TTC28: variants seen among roughly 807,000 people sequenced by gnomAD.
TTC28 encodes tetratricopeptide repeat domain 28.
Under a neutral mutation model 198.0 loss-of-function variants are expected in TTC28, and 61 were observed. The ratio of observed to expected loss-of-function variants is 0.31; its 90% CI spans 0.25 to 0.38. The LOEUF is 0.38. Among genes scored for constraint, TTC28 ranks in the 10% least tolerant of loss-of-function variants. The pLI, the probability that TTC28 is intolerant of heterozygous loss-of-function variation, is 1.00. For synonymous variants in TTC28, 1,171 were observed against 1,297.8 expected (o/e 0.90, Z 2.10); for missense variants, 2,678 against 3,164.0 (o/e 0.85, Z 3.69).
intron 6 of TTC28, among the ~76,000 whole-genome samples, chr22:28,154,869 T>C (rs751546964): frequency 6.6e-6 from 1 of 152,198 alleles, no homozygotes; most frequent in Non-Finnish European, 1.5e-5. Flanking sequence ...ATCTCTATCT[T>C]CTTTCTTTTT....
rs556596954 is a variant in TTC28, at chr22:28,575,748, G to A, written c.381+53804C>T. Among the ~76,000 whole-genome samples, 13 of 152,060 alleles carry A rather than the reference G, an allele frequency of 8.5e-5. No homozygotes were observed. The South Asian group carries it at 2.5e-3, about 29-fold the overall frequency. ...ACTTCTTTGGTTAAGTTTATTCCTA[G>A]GTATATTATATGTAGCTATTGCAAA... On this transcript the variant is annotated intron_variant, in intron 2 of 22. Transcript: ENST00000397906.
At chr22:28,538,530 C>T (rs1475339730) in intron 2 of TTC28, among the ~76,000 whole-genome samples, 1 of 150,020 alleles carries the variant, frequency 6.7e-6, no homozygotes, top group East Asian at 1.9e-4. Flanking sequence ...AAACATATTT[C>T]ACTGAATTCC....
chr22:28,130,262 T>G (rs957843656), intron 6 of TTC28, among the ~76,000 whole-genome samples: 5 of 152,142 alleles, frequency 3.3e-5, no homozygotes, highest in African/African-American at 1.2e-4. Context: ...AAAACACACT[T>G]GTCTTCCCCC....
intron 2 of TTC28, among the ~76,000 whole-genome samples, chr22:28,517,553 A>G (rs2048814057): frequency 6.6e-6 from 1 of 152,212 alleles, no homozygotes; most frequent in Admixed American, 6.5e-5. Flanking sequence ...GGCAGATCCT[A>G]GGAAGACAGA....
chr22:28,598,495 C>T (rs995193766), intron 2 of TTC28, among the ~76,000 whole-genome samples: 3 of 111,690 alleles, frequency 2.7e-5, no homozygotes, highest in African/African-American at 7.2e-5. Context: ...GGCAACAGAG[C>T]GAGACTACGT....
Position 28,096,158 on chromosome 22 carries a change from A to G in TTC28, c.3766+32T>C, listed in dbSNP as rs56051821. 1.5e-3 allele frequency: 2,286 copies of G among 1,509,010 alleles called. 32 individuals are homozygous for G. In the African/African-American group the frequency reaches 0.028, roughly 19 times the overall value. The allele number at this position is 1,509,010 out of a possible 1,614,324, so 93.5% of individuals were successfully genotyped here. A position where few individuals can be genotyped will look rare whatever the true frequency, so the allele number is the denominator to read the frequency against. Reference sequence around the variant, plus strand: ...TAGACTTTCACAGGTCTAGTCTTCTAATTGCCCTGTTCCCACAGAAAGAGA... The same window carrying G: ...TAGACTTTCACAGGTCTAGTCTTCTGATTGCCCTGTTCCCACAGAAAGAGA... On this transcript the variant is annotated intron_variant, in intron 11 of 22. Coordinates refer to ENST00000397906, the MANE Select transcript of TTC28 (RefSeq NM_001145418.2).
intron 2 of TTC28, among the ~76,000 whole-genome samples, chr22:28,512,986 T>TC (rs2048713537): frequency 6.7e-6 from 1 of 149,878 alleles, no homozygotes; most frequent in South Asian, 2.2e-4. Flanking sequence ...TGGATTTTTT[T>TC]TTTTTTTTTT....
chr22:28,009,180 G>GTTCC (rs573673343), intron 14 of TTC28, among the ~76,000 whole-genome samples: 169 of 152,298 alleles, frequency 1.1e-3, no homozygotes, highest in South Asian at 4.1e-3. Context: ...GGACAGCGTG[G>GTTCC]TTCCAGGAAA....
At chr22:28,403,694 T>C (rs577713201) in intron 2 of TTC28, among the ~76,000 whole-genome samples, 2 of 152,344 alleles carry the variant, frequency 1.3e-5, no homozygotes, top group South Asian at 2.1e-4. Context: ...TAAATGATAG[T>C]ATCCTGTCTC....
chr22:28,301,538 A>G (rs2045025816), intron 3 of TTC28, among the ~76,000 whole-genome samples: 1 of 152,220 alleles, frequency 6.6e-6, no homozygotes, highest in Admixed American at 6.5e-5. Context: ...ACACTCAACT[A>G]AGAGATATAC....
chr22:28,525,641 C>A (rs2048991598), intron 2 of TTC28, among the ~76,000 whole-genome samples: 1 of 152,132 alleles, frequency 6.6e-6, no homozygotes, highest in South Asian at 2.1e-4. Context: ...TATCTATACT[C>A]CATGAGGCTT....
chr22:27,978,984 C>T lies in TTC28; in HGVS notation c.*3237G>A, dbSNP rs738474. ...GGAAAAAATTGTTTTGTAAATATTA[C>T]ATCCATGGACTCCTCCCAAGTGGGA... On this transcript the variant is annotated 3_prime_UTR_variant, in exon 23 of 23. Transcript: ENST00000397906. The T allele has an allele frequency of 0.066, 10,094 of 152,248 alleles. 470 individuals are homozygous for T. The highest frequency in any genetic ancestry group is 0.14 in the Admixed American group (2,149 of 15,290). 9.4% of individuals were successfully genotyped at this position (152,248 alleles called of 1,614,324 possible).
intron 2 of TTC28, among the ~76,000 whole-genome samples, chr22:28,601,777 G>GACACAC (rs34208241): frequency 0.1 from 14,275 of 141,370 alleles, 827 homozygotes; most frequent in Non-Finnish European, 0.12. Flanking sequence ...GTAAACCCTA[G>GACACAC]ACACACACAC....
intron 2 of TTC28, among the ~76,000 whole-genome samples, chr22:28,527,842 A>AG (rs2049038104): frequency 6.6e-6 from 1 of 152,192 alleles, no homozygotes; most frequent in Non-Finnish European, 1.5e-5. Context: ...CATGTTGCCC[A>AG]GGCTGGTCTT....
intron 2 of TTC28, among the ~76,000 whole-genome samples, chr22:28,524,682 C>T (rs1478626565): frequency 6.6e-6 from 1 of 152,032 alleles, no homozygotes; most frequent in Admixed American, 6.6e-5. Flanking sequence ...GTCACCCTCA[C>T]AACAAATCAA....
At chr22:28,384,918 G>T (rs77220467) in intron 2 of TTC28, among the ~76,000 whole-genome samples, 1 of 151,778 alleles carries the variant, frequency 6.6e-6, no homozygotes, top group Non-Finnish European at 1.5e-5. Context: ...GGGACGGGGG[G>T]GATCATCTGA....
chr22:28,397,173 C>T (rs2046831743), intron 2 of TTC28, among the ~76,000 whole-genome samples: 1 of 152,180 alleles, frequency 6.6e-6, no homozygotes, highest in Non-Finnish European at 1.5e-5. Context: ...TCTCAATAAT[C>T]TCATTAACTA....
chr22:28,434,475 A>C (rs893977497), intron 2 of TTC28, among the ~76,000 whole-genome samples: 1 of 152,098 alleles, frequency 6.6e-6, no homozygotes, highest in Non-Finnish European at 1.5e-5. Flanking sequence ...TTTGAGGTCA[A>C]GAGTTCGAGA....
At chr22:27,991,464 A>G (rs1326082176) in intron 19 of TTC28, among the ~76,000 whole-genome samples, 1 of 152,214 alleles carries the variant, frequency 6.6e-6, no homozygotes, top group Non-Finnish European at 1.5e-5. Flanking sequence ...CCAAGGGGAC[A>G]GGTCACTGTT....
Sources: allele counts gnomAD v4.1 joint callset (sites outside exome capture counted in the v4.1 genomes callset), GRCh38; gene constraint gnomAD v4.1.1; transcripts MANE v1.5; gene names NCBI Gene and HGNC (gene_info 2026-07-23, HGNC 2026-07-21).